PRKAG2: variants seen among roughly 807,000 people sequenced by gnomAD.
The protein encoded by PRKAG2 is 5'-AMP-activated protein kinase subunit gamma-2.
A neutral mutation model predicts 69.6 loss-of-function variants in PRKAG2; 26 were observed. The observed-to-expected ratio is 0.37, with a 90% CI of 0.27 to 0.52. The LOEUF (loss-of-function observed/expected upper bound fraction) is 0.52, where lower values mean the gene tolerates loss of function less well. Among genes scored for constraint, PRKAG2 ranks in the 20% least tolerant of loss-of-function variants. The probability of loss-of-function intolerance (pLI) is 0.90; values close to 1 mark genes in which losing one functional copy is unlikely to be tolerated. For missense variants in PRKAG2, 557 were observed against 740.0 expected, an observed-to-expected ratio of 0.75 and a Z score of 2.87; for synonymous variants, 293 against 285.0, an observed-to-expected ratio of 1.03 and a Z score of -0.28.
chr7:151,852,264 G>T (rs1237979820), intron 1 of PRKAG2, among the ~76,000 whole-genome samples: 3 of 152,204 alleles, frequency 2.0e-5, no homozygotes, highest in African/African-American at 7.2e-5. Context: ...ACTTTGGGAG[G>T]TGGGCAGATC....
At chr7:151,587,848 A>C (rs1812063449) in intron 6 of PRKAG2, among the ~76,000 whole-genome samples, 1 of 152,202 alleles carries the variant, frequency 6.6e-6, no homozygotes, top group African/African-American at 2.4e-5. Context: ...ATCTGAAGAA[A>C]GCATGGACTT....
intron 4 of PRKAG2, among the ~76,000 whole-genome samples, chr7:151,650,763 C>G (rs1828364150): frequency 6.6e-6 from 1 of 152,212 alleles, no homozygotes; most frequent in Non-Finnish European, 1.5e-5. Context: ...GGGGAGAAGG[C>G]CAGTGTCACT....
chr7:151,634,901 C>T lies in PRKAG2; in HGVS notation c.685-2763G>A, dbSNP rs2374231. On this transcript the variant is annotated intron_variant, in intron 4 of 15. Transcript: ENST00000287878. ...GGATGTAGAGAGACAGACAGGATTA[C>T]TTCTACACTGCTGGTGGGAATGCAA... Among the ~76,000 whole-genome samples the T allele has an allele frequency of 7.1e-3, 1,062 of 150,312 alleles. 3 individuals are homozygous for T. Among genetic ancestry groups the T allele is most frequent in the Middle Eastern group, 0.014 (4 of 282 alleles).
chr7:151,843,547 T>C (rs10277544), intron 1 of PRKAG2, among the ~76,000 whole-genome samples: 64,497 of 152,030 alleles, frequency 0.42, 13,798 homozygotes, highest in Middle Eastern at 0.53. Flanking sequence ...CAATATCTAG[T>C]TGGTGTGTTT....
intron 11 of PRKAG2, chr7:151,566,538 A>G (rs1214036151): frequency 4.5e-6 from 2 of 441,102 alleles, no homozygotes; most frequent in Non-Finnish European, 9.1e-6. Context: ...ATGTTTGAGT[A>G]TAACAAAATA....
intron 3 of PRKAG2, among the ~76,000 whole-genome samples, chr7:151,718,624 A>G (rs1028635428): frequency 6.8e-6 from 1 of 146,522 alleles, no homozygotes; most frequent in East Asian, 2.0e-4. Context: ...AAAAAAAAAA[A>G]AAAAACCCAA....
chr7:151,826,289 T>A (rs754329924), intron 1 of PRKAG2, among the ~76,000 whole-genome samples: 5 of 151,974 alleles, frequency 3.3e-5, no homozygotes, highest in Non-Finnish European at 7.4e-5. Flanking sequence ...CAAGTGATTC[T>A]CCCACCTCAG....
At chr7:151,624,176 A>C (rs1202158980) in intron 5 of PRKAG2, among the ~76,000 whole-genome samples, 1 of 142,002 alleles carries the variant, frequency 7.0e-6, no homozygotes, top group Admixed American at 6.9e-5. Flanking sequence ...GTACATATAT[A>C]TATATTTTTT....
chr7:151,773,794 A>G (rs1365008748), intron 3 of PRKAG2, among the ~76,000 whole-genome samples: 2 of 152,210 alleles, frequency 1.3e-5, no homozygotes, highest in African/African-American at 2.4e-5. Flanking sequence ...TTGAAGCTAA[A>G]GATTCACTGT....
chr7:151,703,448 T>C (rs554300670), intron 3 of PRKAG2, among the ~76,000 whole-genome samples: 2 of 152,328 alleles, frequency 1.3e-5, no homozygotes, highest in East Asian at 3.9e-4. Flanking sequence ...CTCAGTTGTC[T>C]TACTGATGAG....
At chr7:151,683,534 G>A (rs1266827151) in intron 3 of PRKAG2, among the ~76,000 whole-genome samples, 7 of 152,212 alleles carry the variant, frequency 4.6e-5, no homozygotes, top group African/African-American at 1.2e-4. Context: ...AGGAAGTAAT[G>A]TATTCTGCTG....
At chr7:151,680,751 C>T (rs1005069184) in intron 3 of PRKAG2, among the ~76,000 whole-genome samples, 4 of 152,204 alleles carry the variant, frequency 2.6e-5, no homozygotes, top group Non-Finnish European at 5.9e-5. Context: ...CTGCCTGCCC[C>T]GACGCGCCCC....
intron 1 of PRKAG2, among the ~76,000 whole-genome samples, chr7:151,790,134 C>T (rs1308493394): frequency 6.6e-6 from 1 of 152,156 alleles, no homozygotes; most frequent in African/African-American, 2.4e-5. Context: ...TCCCCAGCCC[C>T]CAGCATGAAG....
intron 5 of PRKAG2, among the ~76,000 whole-genome samples, chr7:151,601,967 C>A (rs28451523): frequency 0.045 from 6,825 of 152,260 alleles, 497 homozygotes; most frequent in African/African-American, 0.16. Context: ...GATGAAGTTT[C>A]AGTTGGTGTG....
In PRKAG2 at chr7:151,662,652, G is replaced by A. The variant is rs142276334; in HGVS notation, c.684+12768C>T. 2.1e-3 allele frequency among the ~76,000 whole-genome samples: 315 copies of A among 152,292 alleles called. 2 individuals are homozygous for A. Among genetic ancestry groups the A allele is most frequent in the African/African-American group, 7.2e-3 (299 of 41,560 alleles). On this transcript the variant is annotated intron_variant, in intron 4 of 15. Transcript: ENST00000287878. ...CTGTTGCTGGGCGTGGTGGCTCCCAGCACTTTGGGAGGCCAAGGAAGGAGG... is the reference window on the plus strand; with the variant it reads ...CTGTTGCTGGGCGTGGTGGCTCCCAACACTTTGGGAGGCCAAGGAAGGAGG...
chr7:151,864,335 C>A (rs1212404551), intron 1 of PRKAG2, among the ~76,000 whole-genome samples: 1 of 152,244 alleles, frequency 6.6e-6, no homozygotes, highest in Non-Finnish European at 1.5e-5. Context: ...TCGCCACTGG[C>A]CAGCCATGCG....
chr7:151,654,999 C>T (rs2017491), intron 4 of PRKAG2, among the ~76,000 whole-genome samples: 59,715 of 152,038 alleles, frequency 0.39, 12,822 homozygotes, highest in African/African-American at 0.58. Flanking sequence ...GGCTGGGATA[C>T]GTTGTTGTTG....
At chr7:151,776,991 A>G (rs2076394860) in intron 3 of PRKAG2, among the ~76,000 whole-genome samples, 1 of 152,074 alleles carries the variant, frequency 6.6e-6, no homozygotes, top group Non-Finnish European at 1.5e-5. Flanking sequence ...AGGCCTCCCG[A>G]AGGTACAGCC....
At chr7:151,683,695 C>T (rs565303338) in intron 3 of PRKAG2, among the ~76,000 whole-genome samples, 5 of 152,220 alleles carry the variant, frequency 3.3e-5, no homozygotes, top group East Asian at 3.9e-4. Flanking sequence ...GGATGGCGAG[C>T]GCCGTGAGGG....
Sources: gnomAD v4.1 joint callset for allele counts (sites outside exome capture counted in the v4.1 genomes callset) on GRCh38, gnomAD v4.1.1 for gene constraint, MANE v1.5 for transcripts, NCBI Gene and HGNC (gene_info 2026-07-23, HGNC 2026-07-21) for gene names.